The following COP1 variants were observed in gnomAD, a reference collection of about 807,000 sequenced individuals.
COP1 encodes the protein COP1 E3 ubiquitin ligase.
COP1 carries 24 observed loss-of-function variants against 101.3 expected under a neutral mutation model. The ratio of observed to expected loss-of-function variants is 0.24; its 90% CI spans 0.17 to 0.33. The LOEUF (loss-of-function observed/expected upper bound fraction) is 0.33. COP1 is among the 10% of genes least tolerant of loss of function. The probability of loss-of-function intolerance (pLI) is 1.00; values close to 1 mark genes in which losing one functional copy is unlikely to be tolerated. For synonymous variants in COP1, 347 were observed against 341.9 expected, an observed-to-expected ratio of 1.01 and a Z score of -0.17; for missense variants, 663 against 906.2, an observed-to-expected ratio of 0.73 and a Z score of 3.45.
rs552094027 is a variant in COP1, at chr1:176,026,192, T to C, written c.1729+1380A>G. ...TCCTATTTTCCAAGAAGGAGAAAATTTGATAATATTCATATCTGGCATTGG... is the reference window on the plus strand; with the variant it reads ...TCCTATTTTCCAAGAAGGAGAAAATCTGATAATATTCATATCTGGCATTGG... On this transcript the variant is annotated intron_variant, in intron 15 of 19. Transcript: ENST00000367669. Among the ~76,000 whole-genome samples, 7 of 152,188 alleles carry C rather than the reference T, an allele frequency of 4.6e-5. No individual in the cohort carries two copies. The South Asian group carries it at 1.5e-3, about 32-fold the overall frequency.
chr1:176,182,500 G>C (rs575853075), intron 2 of COP1, among the ~76,000 whole-genome samples: 61 of 152,186 alleles, frequency 4.0e-4, no homozygotes, highest in Non-Finnish European at 8.5e-4. Context: ...CTGGGTAGGG[G>C]TCAAGTATAC....
intron 18 of COP1, among the ~76,000 whole-genome samples, chr1:175,960,279 A>G (rs1332166472): frequency 6.6e-6 from 1 of 152,198 alleles, no homozygotes; most frequent in Non-Finnish European, 1.5e-5. Flanking sequence ...TAACGCTTCT[A>G]GACTTTTCAT....
chr1:176,024,177 T>G (rs1356570470), intron 15 of COP1, among the ~76,000 whole-genome samples: 2 of 152,158 alleles, frequency 1.3e-5, no homozygotes, highest in African/African-American at 4.8e-5. Context: ...GAGAATCACT[T>G]GAGTCGGGGA....
At chr1:176,200,446 T>A (rs1700150634) in intron 1 of COP1, among the ~76,000 whole-genome samples, 1 of 152,158 alleles carries the variant, frequency 6.6e-6, no homozygotes. Flanking sequence ...GACAGAGGAT[T>A]CCAATGCACT....
chr1:176,189,299 T>C (rs998811352), intron 1 of COP1, among the ~76,000 whole-genome samples: 3 of 152,280 alleles, frequency 2.0e-5, no homozygotes, highest in African/African-American at 7.2e-5. Flanking sequence ...TCAGTCCATT[T>C]TGAAACATTA....
intron 9 of COP1, among the ~76,000 whole-genome samples, chr1:176,102,334 C>A (rs1046800122): frequency 6.6e-6 from 1 of 152,166 alleles, no homozygotes; most frequent in African/African-American, 2.4e-5. Flanking sequence ...CTTTCCCATT[C>A]GTGTGACAAG....
At chr1:175,983,761 G>A (rs1008923258) in intron 18 of COP1, among the ~76,000 whole-genome samples, 1 of 152,162 alleles carries the variant, frequency 6.6e-6, no homozygotes, top group African/African-American at 2.4e-5. Flanking sequence ...AGGCTGAGGT[G>A]GTCTCAGATG....
At chr1:175,962,813 C>G (rs377026050) in intron 18 of COP1, among the ~76,000 whole-genome samples, 42 of 152,262 alleles carry the variant, frequency 2.8e-4, no homozygotes, top group African/African-American at 9.4e-4. Flanking sequence ...CTTAACAAAA[C>G]TCTTCAATTC....
At chr1:176,167,938 G>A (rs1695384593) in intron 3 of COP1, among the ~76,000 whole-genome samples, 1 of 150,658 alleles carries the variant, frequency 6.6e-6, no homozygotes, top group African/African-American at 2.4e-5. Context: ...ACAGTAGTAA[G>A]GACTTTTATA....
Position 176,189,786 on chromosome 1 carries a change from A to C in COP1, c.408-5094T>G, listed in dbSNP as rs1698914993. Among the ~76,000 whole-genome samples the C allele has an allele frequency of 2.7e-5, 4 of 150,936 alleles. No individual in the cohort carries two copies. The South Asian group carries it at 8.4e-4, about 32-fold the overall frequency. Reference sequence around the variant, plus strand: ...CTAGAAACAATGAAAGCAAGCCAGAAAAATATGACCAAAACAAACAACAAT... The same window carrying C: ...CTAGAAACAATGAAAGCAAGCCAGACAAATATGACCAAAACAAACAACAAT... On this transcript the variant is annotated intron_variant, in intron 1 of 19. Coordinates refer to ENST00000367669, the MANE Select transcript of COP1 (RefSeq NM_022457.7).
At chr1:175,965,012 A>G (rs543422802) in intron 18 of COP1, among the ~76,000 whole-genome samples, 1 of 150,534 alleles carries the variant, frequency 6.6e-6, no homozygotes, top group African/African-American at 2.4e-5. Flanking sequence ...ATTTCATGTC[A>G]CTGAAAATAA....
At chr1:176,145,475 T>A (rs892777388) in intron 6 of COP1, among the ~76,000 whole-genome samples, 1 of 152,170 alleles carries the variant, frequency 6.6e-6, no homozygotes, top group Admixed American at 6.5e-5. Flanking sequence ...AAGATACACA[T>A]ATCCTATGAC....
chr1:176,157,607 TCCTC>T (rs1693672812), intron 5 of COP1, among the ~76,000 whole-genome samples: 1 of 152,092 alleles, frequency 6.6e-6, no homozygotes, highest in Non-Finnish European at 1.5e-5. Flanking sequence ...ACTGCTCTGC[TCCTC>T]CCTATCATAC....
At chr1:175,978,296 A>C (rs1655035824) in intron 18 of COP1, among the ~76,000 whole-genome samples, 1 of 152,178 alleles carries the variant, frequency 6.6e-6, no homozygotes, top group South Asian at 2.1e-4. Flanking sequence ...ACAGAAATAT[A>C]AAAATGATAA....
chr1:176,163,680 G>C (rs1694686074), intron 4 of COP1, 135 bp downstream of exon 4: 1 of 556,996 alleles, frequency 1.8e-6, no homozygotes, highest in Non-Finnish European at 3.2e-6. Context: ...TTAGTTATTT[G>C]ACTAGAACAA....
At position 176,163,802 on chromosome 1, in the gene COP1, A is replaced by T; in HGVS notation, c.642+13T>A. ...GAAATTTATTAAAAATAGTAATAAG[A>T]GTTGAAACATACGGTGCTACTCACT... is the stretch of plus-strand genomic sequence containing the variant. On this transcript the variant is annotated intron_variant, in intron 4 of 19. Coordinates refer to ENST00000367669, the MANE Select transcript of COP1 (RefSeq NM_022457.7). 3.4e-6 allele frequency: 5 copies of T among 1,468,358 alleles called. No homozygotes were observed. Among genetic ancestry groups the T allele is most frequent in the Non-Finnish European group, 4.7e-6 (5 of 1,071,130 alleles). The allele number at this position is 1,468,358 out of a possible 1,614,324, so 91.0% of individuals were successfully genotyped here.
At chr1:175,956,396 T>C (rs902137353) in intron 18 of COP1, among the ~76,000 whole-genome samples, 1 of 151,762 alleles carries the variant, frequency 6.6e-6, no homozygotes, top group Non-Finnish European at 1.5e-5. Flanking sequence ...AAGACATACA[T>C]GTAAAAGCTG....
intron 8 of COP1, among the ~76,000 whole-genome samples, chr1:176,124,631 T>C (rs562868942): frequency 2.0e-4 from 31 of 152,354 alleles, no homozygotes; most frequent in African/African-American, 5.5e-4. Context: ...TAGTACTCCA[T>C]TGAGTATGTG....
At chr1:176,087,285 G>A (rs560870597) in intron 9 of COP1, among the ~76,000 whole-genome samples, 1 of 152,180 alleles carries the variant, frequency 6.6e-6, no homozygotes, top group Non-Finnish European at 1.5e-5. Flanking sequence ...AAGAGCTTCT[G>A]CAAAGCAAAA....
Sources: gnomAD v4.1 joint callset for allele counts (sites outside exome capture counted in the v4.1 genomes callset) on GRCh38, gnomAD v4.1.1 for gene constraint, MANE v1.5 for transcripts, NCBI Gene and HGNC (gene_info 2026-07-23, HGNC 2026-07-21) for gene names.